Variants in TCF4 observed in about 807,000 individuals in gnomAD.
TCF4 encodes transcription factor 4.
In TCF4, 3 loss-of-function variants were observed where a neutral mutation model predicts 82.1. The observed-to-expected ratio is 0.04, with a 90% confidence interval of 0.02 to 0.09. The LOEUF (loss-of-function observed/expected upper bound fraction) is 0.09, where lower values mean the gene tolerates loss of function less well. TCF4 is among the 10% of genes least tolerant of loss of function. The pLI is 1.00. For missense variants in TCF4, 518 were observed against 852.7 expected, an observed-to-expected ratio of 0.61 and a Z score of 4.89; for synonymous variants, 276 against 309.6, an observed-to-expected ratio of 0.89 and a Z score of 1.14.
intron 6 of TCF4, among the ~76,000 whole-genome samples, chr18:55,351,469 C>T (rs982993868): frequency 1.3e-5 from 2 of 151,930 alleles, no homozygotes; most frequent in Non-Finnish European, 2.9e-5. Flanking sequence ...CTCTCTGTAC[C>T]GCATATCATG....
intron 8 of TCF4, among the ~76,000 whole-genome samples, chr18:55,323,405 T>C (rs1338136924): frequency 6.6e-6 from 1 of 152,122 alleles, no homozygotes; most frequent in Non-Finnish European, 1.5e-5. Flanking sequence ...GTGGTGTTGG[T>C]TCCGAGGAGC....
At chr18:55,612,233 C>T (rs904665887) in intron 2 of TCF4, among the ~76,000 whole-genome samples, 2 of 152,038 alleles carry the variant, frequency 1.3e-5, no homozygotes, top group Non-Finnish European at 2.9e-5. Flanking sequence ...CCTCACATTT[C>T]TAGGGGGATT....
intron 5 of TCF4, among the ~76,000 whole-genome samples, chr18:55,406,881 G>A (rs2094119295): frequency 6.6e-6 from 1 of 152,220 alleles, no homozygotes; most frequent in Non-Finnish European, 1.5e-5. Flanking sequence ...ACTAGAATGC[G>A]ACAGCCGCTG....
chr18:55,338,337 G>A (rs551066632), intron 8 of TCF4, among the ~76,000 whole-genome samples: 2 of 152,288 alleles, frequency 1.3e-5, no homozygotes, highest in South Asian at 4.1e-4. Flanking sequence ...GATGGCAAGC[G>A]TGCCACAAAT....
At position 55,469,405 on chromosome 18, in the gene TCF4, C is replaced by T. The variant is rs192168475; in HGVS notation, c.146-5268G>A. Among the ~76,000 whole-genome samples, 234 of 151,570 alleles carry T rather than the reference C, an allele frequency of 1.5e-3. 4 individuals carry two copies. The highest frequency in any genetic ancestry group is 2.1e-4 in the Non-Finnish European group (14 of 67,862). On this transcript the variant is annotated intron_variant, in intron 3 of 19. Transcript: ENST00000354452. ...CTTGAACCCAGGAGGTGGAGGTTGC[C>T]GCGAGCCAAGATCGAGCCACTGTAC... is the stretch of plus-strand genomic sequence containing the variant.
chr18:55,309,464 C>T (rs2071540804), intron 8 of TCF4, among the ~76,000 whole-genome samples: 1 of 152,154 alleles, frequency 6.6e-6, no homozygotes, highest in South Asian at 2.1e-4. Context: ...GTGGCTACCT[C>T]ACTGAACAGG....
chr18:55,292,874 C>CAT (rs2065435304), intron 8 of TCF4, among the ~76,000 whole-genome samples: 2 of 151,982 alleles, frequency 1.3e-5, no homozygotes, highest in Admixed American at 6.6e-5. Flanking sequence ...ACACATTATA[C>CAT]ATATATACAT....
chr18:55,303,101 G>C (rs1275752035), intron 8 of TCF4, among the ~76,000 whole-genome samples: 1 of 152,126 alleles, frequency 6.6e-6, no homozygotes, highest in East Asian at 1.9e-4. Context: ...AGGTGTTTAA[G>C]ACGTGGCAAG....
intron 5 of TCF4, among the ~76,000 whole-genome samples, chr18:55,457,022 A>G (rs1568091919): frequency 6.6e-6 from 1 of 152,192 alleles, no homozygotes; most frequent in South Asian, 2.1e-4. Context: ...GCAAAATGCA[A>G]CCTGGCATGT....
intron 6 of TCF4, among the ~76,000 whole-genome samples, chr18:55,397,646 A>G (rs2093578334): frequency 6.6e-6 from 1 of 152,238 alleles, no homozygotes; most frequent in Non-Finnish European, 1.5e-5. Context: ...CTTTTTTAAG[A>G]AAGCTACTGA....
At chr18:55,344,619 G>T (rs1411059034) in intron 8 of TCF4, among the ~76,000 whole-genome samples, 2 of 152,106 alleles carry the variant, frequency 1.3e-5, no homozygotes, top group African/African-American at 4.8e-5. Flanking sequence ...GTTAGCAGCT[G>T]CTAACATCTT....
In TCF4 at chr18:55,526,026, T is replaced by C. The variant is rs545026309; in HGVS notation, c.145+59254A>G. Among the ~76,000 whole-genome samples, 529 of 152,332 alleles carry C rather than the reference T, an allele frequency of 3.5e-3. 1 individual carries two copies. Among genetic ancestry groups the C allele is most frequent in the Middle Eastern group, 0.017 (5 of 294 alleles). On this transcript the variant is annotated intron_variant, in intron 3 of 19. Transcript: ENST00000354452. ...TGTGTGTGCTTTACAGATACCAGCA[T>C]TGACATCAGGCATCAGGTAGCCACT...
intron 8 of TCF4, among the ~76,000 whole-genome samples, chr18:55,300,097 T>TACAC (rs1487470416): frequency 6.2e-5 from 9 of 145,494 alleles, no homozygotes; most frequent in Non-Finnish European, 9.0e-5. Context: ...CACATACAGA[T>TACAC]ATACACACAC....
At chr18:55,243,517 G>A (rs1247973529) in intron 15 of TCF4, among the ~76,000 whole-genome samples, 2 of 152,048 alleles carry the variant, frequency 1.3e-5, no homozygotes, top group African/African-American at 4.8e-5. Flanking sequence ...GCAGAAGAAA[G>A]GATTTAATAA....
intron 12 of TCF4, 129 bp downstream of exon 12, chr18:55,261,337 A>T: frequency 2.6e-6 from 3 of 1,147,148 alleles, no homozygotes; most frequent in Non-Finnish European, 4.0e-6. Flanking sequence ...CTGTTATGCA[A>T]GAAAGCTAGC....
At chr18:55,254,949 A>G (rs1466483858) in intron 14 of TCF4, among the ~76,000 whole-genome samples, 2 of 152,230 alleles carry the variant, frequency 1.3e-5, no homozygotes, top group Admixed American at 1.3e-4. Context: ...GGACATTATA[A>G]CATACATGTG....
chr18:55,328,375 T>A (rs562508946), intron 8 of TCF4, among the ~76,000 whole-genome samples: 2 of 150,030 alleles, frequency 1.3e-5, no homozygotes, highest in East Asian at 4.1e-4. Context: ...ATAAGTGGAA[T>A]GTTCTTAAAA....
intron 8 of TCF4, among the ~76,000 whole-genome samples, chr18:55,300,313 G>A (rs895025358): frequency 1.3e-5 from 2 of 151,920 alleles, no homozygotes; most frequent in Admixed American, 6.6e-5. Flanking sequence ...GGACTGAACA[G>A]AAGAGTGGAC....
At chr18:55,553,285 TA>T (rs1238573434) in intron 3 of TCF4, 1 of 152,186 alleles carries the variant, frequency 6.6e-6, no homozygotes, top group Non-Finnish European at 1.5e-5. Context: ...TTGCTTCCAA[TA>T]AATCCTCAAC....
Sources: allele counts gnomAD v4.1 joint callset (sites outside exome capture counted in the v4.1 genomes callset), GRCh38; gene constraint gnomAD v4.1.1; transcripts MANE v1.5; gene names NCBI Gene and HGNC (gene_info 2026-07-23, HGNC 2026-07-21).